The following ADGRB1 variants were observed in gnomAD, a reference collection of about 807,000 sequenced individuals.
ADGRB1 encodes adhesion G protein-coupled receptor B1, also known as brain-specific angiogenesis inhibitor 1.
In ADGRB1, 36 loss-of-function variants were observed where a neutral mutation model predicts 175.7. The observed-to-expected ratio is 0.20, with a 90% CI of 0.16 to 0.27. The LOEUF (loss-of-function observed/expected upper bound fraction) is 0.27, where lower values mean the gene tolerates loss of function less well. Ranked by LOEUF, ADGRB1 falls within the 10% of genes least tolerant of loss-of-function variation. The pLI is 1.00. For synonymous variants in ADGRB1, 1,054 were observed against 979.4 expected (o/e 1.08, Z -1.42); for missense variants, 1,731 against 2,255.3 (o/e 0.77, Z 4.71).
Position 142,524,447 on chromosome 8 carries a change from T to G in ADGRB1, c.3312+143T>G, listed in dbSNP as rs1587410803. On this transcript the variant is annotated intron_variant, in intron 23 of 30. Coordinates refer to ENST00000517894, the MANE Select transcript of ADGRB1 (RefSeq NM_001702.3). ...CCTCATGGCCCTCATCACCAGGGGG[T>G]GGGGGTGCCCACAGCCCCACTCTGA... 8.2e-6 allele frequency: 8 copies of G among 971,330 alleles called. No individual in the cohort carries two copies. The South Asian group carries it at 1.3e-4, about 16-fold the overall frequency. The allele number at this position is 971,330 out of a possible 1,614,324, so 60.2% of individuals were successfully genotyped here. A position where few individuals can be genotyped will look rare whatever the true frequency, so the allele number is the denominator to read the frequency against.
chr8:142,475,814 C>G (rs1470532494), intron 3 of ADGRB1, among the ~76,000 whole-genome samples, 179 bp downstream of exon 3: 9 of 137,460 alleles, frequency 6.5e-5, no homozygotes, highest in African/African-American at 2.2e-4. Context: ...GGGGCCGGGG[C>G]CGGGGCCTGG....
In ADGRB1 at chr8:142,477,149, G is replaced by A. The variant is rs570235746; in HGVS notation, c.1093G>A (p.Val365Met). The change falls in exon 5 of 31, where the codon GTG becomes ATG. Residue 365 changes from valine to methionine, a missense_variant. Physicochemically the swap from Val to Met is conservative, Grantham distance 21. Transcript: ENST00000517894. ...AGCCGAGGAGTGGTCCCCGTGGAGCGTGTGCTCCAGCACCTGCGGCGAGGG... is the reference window on the plus strand; with the variant it reads ...AGCCGAGGAGTGGTCCCCGTGGAGCATGTGCTCCAGCACCTGCGGCGAGGG... ...PAAEEWSPWS[V>M]CSSTCGEGWQ... The A allele has an allele frequency of 1.2e-5, 19 of 1,590,710 alleles. No homozygotes were observed. The highest frequency in any genetic ancestry group is 8.0e-5 in the African/African-American group (6 of 74,812).
At chr8:142,498,076 G>T (rs568800745) in intron 17 of ADGRB1, among the ~76,000 whole-genome samples, 1 of 152,294 alleles carries the variant, frequency 6.6e-6, no homozygotes, top group East Asian at 1.9e-4. Flanking sequence ...GGCCTGCTTG[G>T]GAACTCTGGG....
At chr8:142,463,501 G>A (rs922324141) in intron 1 of ADGRB1, among the ~76,000 whole-genome samples, 2 of 152,266 alleles carry the variant, frequency 1.3e-5, no homozygotes, top group African/African-American at 4.8e-5. Flanking sequence ...GGGGTTTGCA[G>A]AATCTTCCTG....
At chr8:142,453,511 C>T (rs1470350586) in intron 1 of ADGRB1, among the ~76,000 whole-genome samples, 2 of 152,232 alleles carry the variant, frequency 1.3e-5, no homozygotes, top group Non-Finnish European at 2.9e-5. Context: ...AGCCTCCGGC[C>T]TCCCTGGCTG....
At chr8:142,541,484 C>T (rs1475084762) in intron 27 of ADGRB1, among the ~76,000 whole-genome samples, 4 of 152,168 alleles carry the variant, frequency 2.6e-5, no homozygotes, top group Admixed American at 6.5e-5. Context: ...GCACTCAGCA[C>T]CACTGGGCTC....
rs1839584543 is a variant in ADGRB1 at position 142,455,077 on chromosome 8, A to C, written c.-220+4973A>C. Among the ~76,000 whole-genome samples, 1 of 146,384 alleles carries C rather than the reference A, an allele frequency of 6.8e-6. No homozygotes were observed. The highest frequency in any genetic ancestry group is 2.6e-5 in the African/African-American group (1 of 39,022). On this transcript the variant is annotated intron_variant, in intron 1 of 30. Coordinates refer to ENST00000517894, the MANE Select transcript of ADGRB1 (RefSeq NM_001702.3). This position sits in a 1 kb window ranked among gnomAD's most constrained non-coding sequence, Gnocchi z 4.9. ...CAGCACCCTCATATTTGACACCAGC[A>C]CCCTCACTGCCCCCCTACCATCTCA...
rs374658274 is a variant in ADGRB1 at position 142,489,008 on chromosome 8, C to G, written c.2453-27C>G. 9 of 1,606,658 alleles carry G rather than the reference C, an allele frequency of 5.6e-6. No individual in the cohort carries two copies. In the East Asian group the frequency reaches 1.6e-4, roughly 28 times the overall value. Reference sequence around the variant, plus strand: ...CACCCTGGCTGTGGGGATGGCGGGCCGGGGTTGACAGTGCACTTTCTTCCA... The same window carrying G: ...CACCCTGGCTGTGGGGATGGCGGGCGGGGGTTGACAGTGCACTTTCTTCCA... On this transcript the variant is annotated intron_variant, in intron 14 of 30. Transcript: ENST00000517894.
chr8:142,527,132 C>G (rs912830262), intron 24 of ADGRB1, among the ~76,000 whole-genome samples: 1 of 152,196 alleles, frequency 6.6e-6, no homozygotes, highest in African/African-American at 2.4e-5. Context: ...AGGGAGTGCT[C>G]TCAGCACAGC....
chr8:142,533,208 C>G, intron 24 of ADGRB1, 87 bp from the exon 25 acceptor site: 1 of 1,354,390 alleles, frequency 7.4e-7, no homozygotes, highest in Non-Finnish European at 9.7e-7. Flanking sequence ...GCTGGGTCCC[C>G]ACCGAGGCCT....
At chr8:142,538,063 G>A (rs1476902536) in intron 26 of ADGRB1, among the ~76,000 whole-genome samples, 2 of 152,184 alleles carry the variant, frequency 1.3e-5, no homozygotes, top group East Asian at 1.9e-4. Flanking sequence ...AGCTGTGCTG[G>A]TCTTGCTCCT....
Position 142,465,059 on chromosome 8 carries a change from G to A in ADGRB1, c.784+77G>A, listed in dbSNP as rs574869573. On this transcript the variant is annotated intron_variant, in intron 2 of 30. Transcript: ENST00000517894. ...AGGCGGGCAGACAGGGGAGGCGGGC[G>A]GATGGGGGAAGTGGGCGGACAGAGG... is the stretch of plus-strand genomic sequence containing the variant. 1.1e-4 allele frequency: 140 copies of A among 1,227,814 alleles called. No individual in the cohort carries two copies. In the Middle Eastern group the frequency reaches 1.5e-3, roughly 14 times the overall value. The allele number at this position is 1,227,814 out of a possible 1,614,324, so 76.1% of individuals were successfully genotyped here.
rs1843013083 is a variant in ADGRB1, at chr8:142,510,249, CG to C, written c.2676-680del. Among the ~76,000 whole-genome samples the C allele has an allele frequency of 6.6e-6, 1 of 152,044 alleles. No individual in the cohort carries two copies. On this transcript the variant is annotated intron_variant, in intron 17 of 30. Transcript: ENST00000517894. The surrounding 1 kb of genome is among the most constrained non-coding windows in gnomAD (Gnocchi z 6.3). ...CGGGGCAGTCGCGGCCCGTAGACAG[CG>C]GGCGGCTGGGTCAGACCGCAGAGGG...
rs374871467 is a variant in ADGRB1, at chr8:142,515,420, C to T, written c.2818-2718C>T. Among the ~76,000 whole-genome samples, 409 of 152,278 alleles carry T rather than the reference C, an allele frequency of 2.7e-3. 3 individuals are homozygous for T. Among genetic ancestry groups the T allele is most frequent in the African/African-American group, 8.6e-3 (356 of 41,550 alleles). On this transcript the variant is annotated intron_variant, in intron 18 of 30. Coordinates refer to ENST00000517894, the MANE Select transcript of ADGRB1 (RefSeq NM_001702.3). ...CGTCGGGAGTGACTGATGAGCCAGG[C>T]GGGGAGGAGAGGGATCAGGTGGACC...
intron 2 of ADGRB1, among the ~76,000 whole-genome samples, chr8:142,465,774 G>A (rs1321278255): frequency 6.6e-6 from 1 of 152,158 alleles, no homozygotes; most frequent in South Asian, 2.1e-4. Flanking sequence ...CGAGGACGAG[G>A]GACCTTGTTC....
chr8:142,480,694 G>A lies in ADGRB1; in HGVS notation c.1829-560G>A, dbSNP rs1004981572. Among the ~76,000 whole-genome samples the A allele has an allele frequency of 6.6e-5, 10 of 152,322 alleles. No homozygotes were observed. In the East Asian group the frequency reaches 9.6e-4, roughly 15 times the overall value. On this transcript the variant is annotated intron_variant, in intron 9 of 30. Coordinates refer to ENST00000517894, the MANE Select transcript of ADGRB1 (RefSeq NM_001702.3). The stretch of plus-strand genomic sequence containing the variant: ...GGCTCTTGTCAGGTGTCAGGGCTGC[G>A]ACAGTTCTTTGTGGCTGCCGCCACC...
intron 24 of ADGRB1, among the ~76,000 whole-genome samples, chr8:142,529,618 G>A (rs1372733536): frequency 6.6e-6 from 1 of 151,830 alleles, no homozygotes; most frequent in African/African-American, 2.4e-5. Context: ...GTGCAACCCA[G>A]TGTGCATACG....
chr8:142,525,003 C>T (rs867261927), intron 23 of ADGRB1, among the ~76,000 whole-genome samples: 2 of 152,046 alleles, frequency 1.3e-5, no homozygotes, highest in Non-Finnish European at 2.9e-5. Context: ...CCTCCCCTCT[C>T]GCCCCAGGAG....
At chr8:142,454,979 C>G (rs926323684) in intron 1 of ADGRB1, among the ~76,000 whole-genome samples, 1 of 151,982 alleles carries the variant, frequency 6.6e-6, no homozygotes, top group African/African-American at 2.4e-5. Context: ...CCCTCCTTCC[C>G]TGCATGGGTT....
Sources: allele counts gnomAD v4.1 joint callset (sites outside exome capture counted in the v4.1 genomes callset), GRCh38; gene constraint gnomAD v4.1.1; non-coding constraint Gnocchi (gnomAD v3.1); transcripts MANE v1.5; gene names NCBI Gene and HGNC (gene_info 2026-07-23, HGNC 2026-07-21).